NAALADL2: variants seen among roughly 807,000 people sequenced by gnomAD.
NAALADL2 encodes the protein inactive N-acetylated-alpha-linked acidic dipeptidase-like protein 2.
Under a neutral mutation model 87.2 loss-of-function variants are expected in NAALADL2, and 76 were observed. That is an observed-to-expected ratio of 0.87 (90% CI 0.72 to 1.05). The LOEUF (loss-of-function observed/expected upper bound fraction) is 1.05, where lower values mean the gene tolerates loss of function less well. NAALADL2 is among the 50% of genes least tolerant of loss of function. The pLI, the probability that NAALADL2 is intolerant of heterozygous loss-of-function variation, is 0.00. For synonymous variants in NAALADL2, 354 were observed against 331.0 expected (o/e 1.07, Z -0.75); for missense variants, 1,089 against 945.8 (o/e 1.15, Z -1.99).
At chr3:175,593,567 A>C (rs776876610) in intron 10 of NAALADL2, among the ~76,000 whole-genome samples, 1 of 152,166 alleles carries the variant, frequency 6.6e-6, no homozygotes, top group South Asian at 2.1e-4. Context: ...TCCAATATCA[A>C]GATGTCATTA....
At chr3:175,148,260 G>A (rs1269771101) in intron 2 of NAALADL2, among the ~76,000 whole-genome samples, 1 of 151,646 alleles carries the variant, frequency 6.6e-6, no homozygotes, top group East Asian at 1.9e-4. Flanking sequence ...TTTGAGAAGT[G>A]TCTGCTCATT....
intron 1 of NAALADL2, among the ~76,000 whole-genome samples, chr3:174,899,872 T>C (rs1029807876): frequency 3.3e-4 from 48 of 143,964 alleles, no homozygotes; most frequent in African/African-American, 1.2e-3. Context: ...CTGAAAGTCC[T>C]GACAGTAAAA....
At chr3:175,196,309 A>G (rs1330114571) in intron 2 of NAALADL2, among the ~76,000 whole-genome samples, 3 of 151,900 alleles carry the variant, frequency 2.0e-5, no homozygotes, top group African/African-American at 7.2e-5. Context: ...ATCCTGGTGC[A>G]TACCTCTGTT....
At chr3:175,621,435 A>C (rs1285956869) in intron 10 of NAALADL2, among the ~76,000 whole-genome samples, 2 of 152,182 alleles carry the variant, frequency 1.3e-5, no homozygotes, top group Non-Finnish European at 2.9e-5. Context: ...AAGTGTAAAC[A>C]TATACCTCCA....
At chr3:175,659,287 A>G (rs1311887978) in intron 11 of NAALADL2, among the ~76,000 whole-genome samples, 28 of 152,182 alleles carry the variant, frequency 1.8e-4, no homozygotes, top group Admixed American at 1.8e-3. Flanking sequence ...AAATGGGAAC[A>G]TTGATTCTCC....
chr3:174,798,763 G>A (rs1718446067), intron 3 of NAALADL2, among the ~76,000 whole-genome samples: 2 of 151,884 alleles, frequency 1.3e-5, no homozygotes, highest in African/African-American at 2.4e-5. Context: ...TTATATATTT[G>A]ATCTTGTATT....
intron 4 of NAALADL2, among the ~76,000 whole-genome samples, chr3:175,320,800 T>A (rs1759756171): frequency 6.6e-6 from 1 of 151,740 alleles, no homozygotes; most frequent in Non-Finnish European, 1.5e-5. Context: ...AAGTTGAATC[T>A]CTGAATAGAC....
chr3:175,286,780 G>A (rs1354460594), intron 4 of NAALADL2, among the ~76,000 whole-genome samples: 3 of 152,048 alleles, frequency 2.0e-5, no homozygotes, highest in Non-Finnish European at 2.9e-5. Context: ...TTTATTGCAT[G>A]TAAAATTACC....
intron 9 of NAALADL2, among the ~76,000 whole-genome samples, chr3:175,507,471 A>G (rs1045978893): frequency 1.3e-5 from 2 of 152,112 alleles, no homozygotes; most frequent in African/African-American, 2.4e-5. Context: ...TGCCCAGGCT[A>G]GAGTGCAATG....
intron 2 of NAALADL2, among the ~76,000 whole-genome samples, chr3:174,726,121 C>G (rs780162133): frequency 2.6e-5 from 4 of 152,138 alleles, no homozygotes; most frequent in Non-Finnish European, 5.9e-5. Flanking sequence ...AACCAAGTCT[C>G]AAGTCTCAGT....
At chr3:175,279,909 T>A (rs2110074047) in intron 4 of NAALADL2, among the ~76,000 whole-genome samples, 1 of 152,002 alleles carries the variant, frequency 6.6e-6, no homozygotes, top group African/African-American at 2.4e-5. Context: ...AGCACTTCCC[T>A]AGAATTTTAG....
chr3:175,736,028 G>A (rs1400527901), intron 11 of NAALADL2, among the ~76,000 whole-genome samples: 1 of 152,164 alleles, frequency 6.6e-6, no homozygotes, highest in East Asian at 1.9e-4. Flanking sequence ...AGGGTTATAA[G>A]ATATGTAGGG....
intron 1 of NAALADL2, among the ~76,000 whole-genome samples, chr3:174,861,908 T>C (rs922189737): frequency 6.6e-6 from 1 of 151,878 alleles, no homozygotes; most frequent in Admixed American, 6.6e-5. Context: ...ATTTTTTTTT[T>C]TTCCTGAATA....
intron 1 of NAALADL2, among the ~76,000 whole-genome samples, chr3:174,925,621 G>C (rs1183426755): frequency 6.6e-6 from 1 of 152,198 alleles, no homozygotes; most frequent in African/African-American, 2.4e-5. Flanking sequence ...GTCATTGGTA[G>C]CTTGATGGGG....
chr3:175,493,038 T>G (rs1728322597), intron 9 of NAALADL2, among the ~76,000 whole-genome samples: 1 of 152,110 alleles, frequency 6.6e-6, no homozygotes, highest in Admixed American at 6.6e-5. Flanking sequence ...GTGCATAACT[T>G]ATGTACACAT....
chr3:175,476,742 A>G (rs936136899), intron 9 of NAALADL2, among the ~76,000 whole-genome samples: 1 of 152,102 alleles, frequency 6.6e-6, no homozygotes, highest in Non-Finnish European at 1.5e-5. Context: ...TTACTTCTCT[A>G]ACAGCCACTG....
At position 175,214,365 on chromosome 3, in the gene NAALADL2, C is replaced by G. The variant is rs534813729; in HGVS notation, c.546-19566C>G. ...ACTTTCAGCAATGCTGTAAAAGCCTCTGTGTCTTTCAGATGAAACACTCCT... is the reference window on the plus strand; with the variant it reads ...ACTTTCAGCAATGCTGTAAAAGCCTGTGTGTCTTTCAGATGAAACACTCCT... On this transcript the variant is annotated intron_variant, in intron 2 of 13. Coordinates refer to ENST00000454872, the MANE Select transcript of NAALADL2 (RefSeq NM_207015.3). Among the ~76,000 whole-genome samples, 35 of 152,262 alleles carry G rather than the reference C, an allele frequency of 2.3e-4. No homozygotes were observed. In the South Asian group the frequency reaches 3.5e-3, roughly 15 times the overall value.
intron 1 of NAALADL2, among the ~76,000 whole-genome samples, chr3:175,031,862 T>C (rs1752835504): frequency 6.6e-6 from 1 of 152,048 alleles, no homozygotes; most frequent in Non-Finnish European, 1.5e-5. Context: ...ATTTATCTGA[T>C]GTTAGTGATG....
intron 1 of NAALADL2, among the ~76,000 whole-genome samples, chr3:175,004,898 G>T (rs1216017507): frequency 6.6e-6 from 1 of 150,968 alleles, no homozygotes; most frequent in Non-Finnish European, 1.5e-5. Context: ...AATCCAAAAC[G>T]TTTTTGGTCC....
Sources: allele counts gnomAD v4.1 joint callset (sites outside exome capture counted in the v4.1 genomes callset), GRCh38; gene constraint gnomAD v4.1.1; transcripts MANE v1.5; gene names NCBI Gene and HGNC (gene_info 2026-07-23, HGNC 2026-07-21).